Variants in IFI6 observed in about 807,000 individuals in gnomAD.
IFI6 encodes the protein interferon alpha inducible protein 6.
Under a neutral mutation model 12.7 loss-of-function variants are expected in IFI6, and 10 were observed. That is an observed-to-expected ratio of 0.79 (90% confidence interval 0.49 to 1.33). The LOEUF (loss-of-function observed/expected upper bound fraction) is 1.33. Ranked by LOEUF, IFI6 falls within the 40% of genes most tolerant of loss-of-function variation. The pLI is 0.00. For missense variants in IFI6, 154 were observed against 180.4 expected (o/e 0.85, Z 0.84); for synonymous variants, 89 against 86.2 (o/e 1.03, Z -0.18).
At chr1:27,667,240 C>CAAAA (rs761365595) in intron 4 of IFI6, among the ~76,000 whole-genome samples, 2 of 12,280 alleles carry the variant, frequency 1.6e-4, no homozygotes, top group Non-Finnish European at 2.2e-4. Context: ...CCCGTCTCTA[C>CAAAA]AAAAAAAAAA....
intron 2 of IFI6, 50 bp from the exon 3 acceptor site, chr1:27,668,585 G>A: frequency 6.8e-7 from 1 of 1,474,416 alleles, no homozygotes; most frequent in Non-Finnish European, 9.3e-7. Context: ...TGGGACACAG[G>A]GGTCCCCTAC....
At chr1:27,667,184 G>A (rs1012003643) in intron 4 of IFI6, among the ~76,000 whole-genome samples, 8 of 139,358 alleles carry the variant, frequency 5.7e-5, no homozygotes, top group Non-Finnish European at 1.2e-4. Context: ...TGGGAGGATT[G>A]CTTGAGCCCA....
At chr1:27,668,899 G>T (rs1452617245) in intron 2 of IFI6, among the ~76,000 whole-genome samples, 1 of 151,916 alleles carries the variant, frequency 6.6e-6, no homozygotes, top group Non-Finnish European at 1.5e-5. Flanking sequence ...CCATCCCCCA[G>T]CACCCTTATA....
chr1:27,668,928 C>G (rs1385515488), intron 2 of IFI6, among the ~76,000 whole-genome samples: 2 of 152,028 alleles, frequency 1.3e-5, no homozygotes, highest in Non-Finnish European at 2.9e-5. Context: ...TACTTGTCCC[C>G]TTACCTGCAC....
Position 27,666,402 on chromosome 1 carries a change from A to G in IFI6, c.372T>C (p.Asp124=). The part of the protein sequence containing the change: ...LMGYATHKYL[D]SEEDEE ...CTGGCTACTCCTCATCCTCCTCACTATCGAGATACTTGTGGGTGGCGTAGC... is the reference window on the plus strand; with the variant it reads ...CTGGCTACTCCTCATCCTCCTCACTGTCGAGATACTTGTGGGTGGCGTAGC... Residue 124 remains aspartate (D), a synonymous_variant, in exon 5 of 5, where the codon GAT becomes GAC. Transcript: ENST00000361157. 3 of 1,613,040 alleles carry G rather than the reference A, an allele frequency of 1.9e-6. No homozygotes were observed. Among genetic ancestry groups the G allele is most frequent in the Non-Finnish European group, 2.5e-6 (3 of 1,179,590 alleles).
At chr1:27,667,137 C>T (rs2090358063) in intron 4 of IFI6, among the ~76,000 whole-genome samples, 1 of 148,436 alleles carries the variant, frequency 6.7e-6, no homozygotes, top group African/African-American at 2.5e-5. Context: ...AGCACAGTGG[C>T]TCATGCTTGC....
Position 27,666,468 on chromosome 1 carries a change from A to G in IFI6, c.306T>C (p.Gly102=), listed in dbSNP as rs748546024. 1 of 1,613,228 alleles carries G rather than the reference A, an allele frequency of 6.2e-7. No homozygotes were observed. The highest frequency in any genetic ancestry group is 8.5e-7 in the Non-Finnish European group (1 of 1,179,486). The change falls in exon 5 of 5, where the codon GGT becomes GGC. Residue 102 remains glycine (G), a synonymous_variant. Coordinates refer to ENST00000361157, the MANE Select transcript of IFI6 (RefSeq NM_002038.4). ...TATTACCTATGACGACGCTGCTGCCACCAGCCCCTGTAAAGCAAACACAGA... is the reference window on the plus strand; with the variant it reads ...TATTACCTATGACGACGCTGCTGCCGCCAGCCCCTGTAAAGCAAACACAGA... The part of the protein sequence containing the change: ...LVATLQSLGA[G]GSSVVIGNIG...
At chr1:27,668,433 C>A (rs199762609) in intron 3 of IFI6, 25 bp downstream of exon 3, 7 of 1,602,214 alleles carry the variant, frequency 4.4e-6, no homozygotes, top group Admixed American at 3.4e-5. Flanking sequence ...CCCGCCTGCC[C>A]GAGATCCTCG....
chr1:27,669,399 G>A, intron 1 of IFI6, 53 bp from the exon 2 acceptor site: 7 of 1,130,204 alleles, frequency 6.2e-6, no homozygotes, highest in Non-Finnish European at 9.1e-6. Context: ...GAGCTCATCA[G>A]CTCCGTTGTT....
chr1:27,671,538 C>T (rs2090404559), intron 1 of IFI6, among the ~76,000 whole-genome samples: 1 of 152,004 alleles, frequency 6.6e-6, no homozygotes. Context: ...GCGCCCACCA[C>T]CAAGCCCGGC....
chr1:27,671,031 ACAGT>A (rs530346072), intron 1 of IFI6, among the ~76,000 whole-genome samples: 2 of 152,318 alleles, frequency 1.3e-5, no homozygotes, highest in South Asian at 4.1e-4. Flanking sequence ...CACATTCAAG[ACAGT>A]CAGAATTCAT....
chr1:27,668,095 CACTTAATTCCTGGTAA>C, intron 4 of IFI6, 115 bp downstream of exon 4: 1 of 882,824 alleles, frequency 1.1e-6, no homozygotes, highest in South Asian at 2.1e-5. Context: ...AATAAAGAAT[CACTTAATTCCTGGTAA>C]ACTACTTAAT....
intron 1 of IFI6, among the ~76,000 whole-genome samples, chr1:27,671,785 A>G (rs917083332): frequency 1.2e-4 from 19 of 152,186 alleles, no homozygotes; most frequent in African/African-American, 2.4e-5. Context: ...GGATTCTAAA[A>G]TCATCCAGTC....
chr1:27,666,555 G>C, intron 4 of IFI6, 80 bp from the exon 5 acceptor site: 1 of 963,400 alleles, frequency 1.0e-6, no homozygotes, highest in Non-Finnish European at 1.6e-6. Context: ...CATTGGTTGA[G>C]TCCAACCCCT....
chr1:27,668,079 T>C, intron 4 of IFI6, 147 bp downstream of exon 4: 4 of 834,606 alleles, frequency 4.8e-6, no homozygotes, highest in Non-Finnish European at 6.9e-6. Flanking sequence ...TGTCTCAAAA[T>C]AAATAAATAA....
At chr1:27,666,517 A>C (rs1392586408) in intron 4 of IFI6, 42 bp from the exon 5 acceptor site, 3 of 1,417,804 alleles carry the variant, frequency 2.1e-6, no homozygotes, top group Non-Finnish European at 3.0e-6. Context: ...CCCAAGTGCC[A>C]GGCCTGGGAA....
chr1:27,666,495 G>A lies in IFI6; in HGVS notation c.299-20C>T. ...CAGCCCCTGTAAAGCAAACACAGAT[G>A]AGTCACTGGGGCCCAAGTGCCAGGC... On this transcript the variant is annotated intron_variant, in intron 4 of 4. Coordinates refer to ENST00000361157, the MANE Select transcript of IFI6 (RefSeq NM_002038.4). The A allele has an allele frequency of 6.3e-7, 1 of 1,578,344 alleles. No homozygotes were observed. Among genetic ancestry groups the A allele is most frequent in the Non-Finnish European group, 8.7e-7 (1 of 1,148,618 alleles).
Position 27,668,269 on chromosome 1 carries a change from GC to G in IFI6, c.254del (p.Gly85AlafsTer8). The G allele has an allele frequency of 1.3e-6, 2 of 1,579,584 alleles. No individual in the cohort carries two copies. Among genetic ancestry groups the G allele is most frequent in the Non-Finnish European group, 8.6e-7 (1 of 1,167,812 alleles). On this transcript the variant is annotated frameshift_variant, in exon 4 of 5. Coordinates refer to ENST00000361157, the MANE Select transcript of IFI6 (RefSeq NM_002038.4). LOFTEE classifies it low-confidence loss of function (END_TRUNC). ...LMSWSAILNG[G>X]GVPAGGLVAT... ...CCACTAGCCCCCCGGCGGGCACGCC[GC>G]CCCCATTCAGGATCGCAGACCAGCT... is the stretch of plus-strand genomic sequence containing the variant.
At position 27,668,252 on chromosome 1, in the gene IFI6, C is replaced by T. The variant is rs770304437; in HGVS notation, c.272G>A (p.Gly91Glu). 1 of 1,573,772 alleles carries T rather than the reference C, an allele frequency of 6.4e-7. No homozygotes were observed. Among genetic ancestry groups the T allele is most frequent in the African/African-American group, 1.4e-5 (1 of 74,056 alleles). The change falls in exon 4 of 5, where the codon GGG becomes GAG. Residue 91 changes from glycine to glutamate, a missense_variant. Physicochemically the swap from Gly to Glu is moderately conservative, Grantham distance 98. Coordinates refer to ENST00000361157, the MANE Select transcript of IFI6 (RefSeq NM_002038.4). The part of the protein sequence containing the change: ...ILNGGGVPAG[G>E]LVATLQSLGA... ...GAGGCTCTGCAGCGTGGCCACTAGCCCCCCGGCGGGCACGCCGCCCCCATT... is the reference window on the plus strand; with the variant it reads ...GAGGCTCTGCAGCGTGGCCACTAGCTCCCCGGCGGGCACGCCGCCCCCATT...
Sources: allele counts gnomAD v4.1 joint callset (sites outside exome capture counted in the v4.1 genomes callset), GRCh38; gene constraint gnomAD v4.1.1; transcripts MANE v1.5; gene names NCBI Gene and HGNC (gene_info 2026-07-23, HGNC 2026-07-21).